The following TRAPPC9 variants were observed in gnomAD, a reference collection of about 807,000 sequenced individuals.
The protein encoded by TRAPPC9 is IKK2 binding protein.
In TRAPPC9, 83 loss-of-function variants were observed where a neutral mutation model predicts 124.0. The observed-to-expected ratio is 0.67, with a 90% CI of 0.56 to 0.80. The LOEUF is 0.80. Ranked by LOEUF, TRAPPC9 falls within the 30% of genes least tolerant of loss-of-function variation. The pLI, the probability that TRAPPC9 is intolerant of heterozygous loss-of-function variation, is 0.00. For missense variants in TRAPPC9, 1,302 were observed against 1,508.3 expected (o/e 0.86, Z 2.27); for synonymous variants, 638 against 617.5 (o/e 1.03, Z -0.49).
chr8:139,974,237 C>T (rs1365547343), intron 19 of TRAPPC9, among the ~76,000 whole-genome samples: 4 of 152,164 alleles, frequency 2.6e-5, no homozygotes, highest in African/African-American at 9.7e-5. Context: ...GAAAACTGTG[C>T]GCTTCTAGGA....
At chr8:140,185,015 A>G (rs2062320059) in intron 17 of TRAPPC9, among the ~76,000 whole-genome samples, 1 of 152,212 alleles carries the variant, frequency 6.6e-6, no homozygotes, top group African/African-American at 2.4e-5. Context: ...CCAGTTCTAG[A>G]CAGGAGAGCA....
intron 21 of TRAPPC9, among the ~76,000 whole-genome samples, chr8:139,752,534 A>G: frequency 6.6e-6 from 1 of 151,246 alleles, no homozygotes; most frequent in East Asian, 2.0e-4. Flanking sequence ...CCATCCATCC[A>G]TCCATCCACC....
rs1054849095 is a variant in TRAPPC9, at chr8:140,275,261, G to A, written c.2278+397C>T. ...CAGGTCCCCTGACCCCAAACTACACGAGCTGGATGCATGATGGGTTGGATC... is the reference window on the plus strand; with the variant it reads ...CAGGTCCCCTGACCCCAAACTACACAAGCTGGATGCATGATGGGTTGGATC... On this transcript the variant is annotated intron_variant, in intron 15 of 22. Coordinates refer to ENST00000438773, the MANE Select transcript of TRAPPC9 (RefSeq NM_001160372.4). Among the ~76,000 whole-genome samples, 11 of 152,274 alleles carry A rather than the reference G, an allele frequency of 7.2e-5. No individual in the cohort carries two copies. The East Asian group carries it at 1.2e-3, about 16-fold the overall frequency.
intron 21 of TRAPPC9, among the ~76,000 whole-genome samples, chr8:139,828,025 A>G (rs116822804): frequency 0.015 from 2,321 of 151,964 alleles, 59 homozygotes; most frequent in African/African-American, 0.053. Context: ...TGAGGAATCC[A>G]CCCCCACGAT....
chr8:140,001,349 T>C (rs1838386714), intron 18 of TRAPPC9, among the ~76,000 whole-genome samples: 1 of 151,784 alleles, frequency 6.6e-6, no homozygotes, highest in Non-Finnish European at 1.5e-5. Context: ...GTAACAAACC[T>C]GCACATTGTG....
chr8:139,762,117 A>C (rs925957784), intron 21 of TRAPPC9, among the ~76,000 whole-genome samples: 5 of 151,584 alleles, frequency 3.3e-5, no homozygotes, highest in African/African-American at 4.9e-5. Context: ...AGCCCGAGTG[A>C]GGGCCTGCCA....
intron 17 of TRAPPC9, among the ~76,000 whole-genome samples, chr8:140,180,941 T>C (rs1235040274): frequency 6.6e-6 from 1 of 152,182 alleles, no homozygotes; most frequent in Non-Finnish European, 1.5e-5. Context: ...AACTTGAAAA[T>C]TCAAAACTTG....
At chr8:140,081,412 C>T (rs983894153) in intron 17 of TRAPPC9, among the ~76,000 whole-genome samples, 4 of 147,018 alleles carry the variant, frequency 2.7e-5, no homozygotes, top group Non-Finnish European at 4.4e-5. Flanking sequence ...GTGGCACAGT[C>T]TCAGCTCACT....
intron 17 of TRAPPC9, among the ~76,000 whole-genome samples, chr8:140,211,245 A>T (rs1002529208): frequency 2.6e-5 from 4 of 152,176 alleles, no homozygotes; most frequent in Admixed American, 2.0e-4. Context: ...ATTAAAAATA[A>T]AAAAAAGTAT....
intron 21 of TRAPPC9, among the ~76,000 whole-genome samples, chr8:139,871,059 A>C (rs1828868263): frequency 6.6e-6 from 1 of 152,122 alleles, no homozygotes. Flanking sequence ...CTGTAAAACA[A>C]GGGTGGTTTT....
intron 21 of TRAPPC9, among the ~76,000 whole-genome samples, chr8:139,804,273 A>C (rs1279608934): frequency 6.1e-5 from 6 of 98,778 alleles, no homozygotes; most frequent in Admixed American, 2.1e-4. Flanking sequence ...CACACACACA[A>C]CCACCACCAC....
Position 140,080,600 on chromosome 8 carries a change from C to T in TRAPPC9, c.2557-56521G>A, listed in dbSNP as rs138155068. Among the ~76,000 whole-genome samples, 897 of 152,280 alleles carry T rather than the reference C, an allele frequency of 5.9e-3. 10 individuals carry two copies. The highest frequency in any genetic ancestry group is 0.02 in the African/African-American group (823 of 41,534). On this transcript the variant is annotated intron_variant, in intron 17 of 22. Coordinates refer to ENST00000438773, the MANE Select transcript of TRAPPC9 (RefSeq NM_001160372.4). ...GTTGACTGATCCAGCCCCATGACAG[C>T]GAGAACTCTCTCAGGAGACAGCACC...
At chr8:139,760,609 G>A (rs148084220) in intron 21 of TRAPPC9, among the ~76,000 whole-genome samples, 3 of 152,250 alleles carry the variant, frequency 2.0e-5, no homozygotes, top group Admixed American at 6.5e-5. Context: ...CAGACTCCAC[G>A]TCTGATCACC....
intron 17 of TRAPPC9, among the ~76,000 whole-genome samples, chr8:140,184,054 G>A (rs761543456): frequency 9.2e-5 from 14 of 151,672 alleles, no homozygotes; most frequent in African/African-American, 2.4e-4. Context: ...CCCTGTGACC[G>A]GGCCTGGAGA....
intron 17 of TRAPPC9, among the ~76,000 whole-genome samples, chr8:140,113,170 AG>A (rs1214103061): frequency 5.9e-5 from 9 of 152,376 alleles, no homozygotes; most frequent in African/African-American, 1.9e-4. Flanking sequence ...CAGGCCCAGC[AG>A]TGACTTATGT....
intron 16 of TRAPPC9, among the ~76,000 whole-genome samples, chr8:140,227,046 G>A (rs2063471634): frequency 1.3e-5 from 2 of 152,224 alleles, no homozygotes; most frequent in Middle Eastern, 3.4e-3. Context: ...AACACAAGAA[G>A]CATATAAATT....
intron 13 of TRAPPC9, 24 bp downstream of exon 13, chr8:140,287,584 G>C: frequency 6.2e-7 from 1 of 1,614,122 alleles, no homozygotes; most frequent in Non-Finnish European, 8.5e-7. Flanking sequence ...TCCTGAGCAG[G>C]AAGCATGAAG....
chr8:139,994,015 G>T (rs1361881786), intron 18 of TRAPPC9, among the ~76,000 whole-genome samples: 1 of 152,154 alleles, frequency 6.6e-6, no homozygotes, highest in Non-Finnish European at 1.5e-5. Flanking sequence ...TAGACAAATT[G>T]ATACCTCCTA....
chr8:140,252,652 C>G lies in TRAPPC9; in HGVS notation c.2431+125G>C. ...TTAACAAAGTGCCCAGGAGATGTCTCAGGCAGCTTGAGTTAATGAATGACA... is the reference window on the plus strand; with the variant it reads ...TTAACAAAGTGCCCAGGAGATGTCTGAGGCAGCTTGAGTTAATGAATGACA... On this transcript the variant is annotated intron_variant, in intron 16 of 22. Coordinates refer to ENST00000438773, the MANE Select transcript of TRAPPC9 (RefSeq NM_001160372.4). The surrounding 1 kb of genome is among the most constrained non-coding windows in gnomAD (Gnocchi z 4.2). The G allele has an allele frequency of 8.8e-7, 1 of 1,135,078 alleles. No homozygotes were observed. Among genetic ancestry groups the G allele is most frequent in the Non-Finnish European group, 1.3e-6 (1 of 766,392 alleles). The allele number at this position is 1,135,078 out of a possible 1,614,324, so 70.3% of individuals were successfully genotyped here.
Sources: gnomAD v4.1 joint callset for allele counts (sites outside exome capture counted in the v4.1 genomes callset) on GRCh38, gnomAD v4.1.1 for gene constraint, Gnocchi (gnomAD v3.1) non-coding constraint, MANE v1.5 for transcripts, NCBI Gene and HGNC (gene_info 2026-07-23, HGNC 2026-07-21) for gene names.